The following CADM2 variants were observed in gnomAD, a reference collection of about 807,000 sequenced individuals.
The protein encoded by CADM2 is immunoglobulin superfamily member 4D.
In CADM2, 12 loss-of-function variants were observed where a neutral mutation model predicts 49.8. That is an observed-to-expected ratio of 0.24 (90% CI 0.15 to 0.39). The LOEUF (loss-of-function observed/expected upper bound fraction) is 0.39. Ranked by LOEUF, CADM2 falls within the 10% of genes least tolerant of loss-of-function variation. The probability of loss-of-function intolerance (pLI) is 1.00; values close to 1 mark genes in which losing one functional copy is unlikely to be tolerated. For missense variants in CADM2, 378 were observed against 492.3 expected, an observed-to-expected ratio of 0.77 and a Z score of 2.20; for synonymous variants, 214 against 175.4, an observed-to-expected ratio of 1.22 and a Z score of -1.74.
chr3:85,003,603 A>G (rs1188157297), intron 1 of CADM2, among the ~76,000 whole-genome samples: 1 of 152,124 alleles, frequency 6.6e-6, no homozygotes, highest in Non-Finnish European at 1.5e-5. Context: ...ATGACTACTT[A>G]AGACTACTTA....
chr3:85,647,070 G>A (rs527417080), intron 1 of CADM2, among the ~76,000 whole-genome samples: 38 of 151,808 alleles, frequency 2.5e-4, no homozygotes, highest in African/African-American at 8.2e-4. Flanking sequence ...TTAAGCTTTG[G>A]TCTCATCGTC....
At chr3:85,828,679 C>T (rs1282853575) in intron 3 of CADM2, among the ~76,000 whole-genome samples, 3 of 151,902 alleles carry the variant, frequency 2.0e-5, no homozygotes, top group African/African-American at 4.8e-5. Context: ...CTTCTATCAT[C>T]ATTGATGTTG....
chr3:86,046,041 G>T (rs763325247), intron 8 of CADM2, among the ~76,000 whole-genome samples: 1 of 152,084 alleles, frequency 6.6e-6, no homozygotes, highest in Non-Finnish European at 1.5e-5. Flanking sequence ...AAAGAATGTA[G>T]TTCAGTTCAA....
intron 1 of CADM2, among the ~76,000 whole-genome samples, chr3:85,516,781 T>A (rs2060913400): frequency 6.6e-6 from 1 of 152,106 alleles, no homozygotes. Flanking sequence ...AATTTATTTT[T>A]AAAATCATAC....
chr3:85,651,408 A>T (rs1343249419), intron 1 of CADM2, among the ~76,000 whole-genome samples: 1 of 152,186 alleles, frequency 6.6e-6, no homozygotes, highest in Admixed American at 6.5e-5. Flanking sequence ...TAAGGATTGT[A>T]TAACAGTTGT....
chr3:85,122,840 C>A (rs991370659), intron 1 of CADM2, among the ~76,000 whole-genome samples: 3 of 152,010 alleles, frequency 2.0e-5, no homozygotes, highest in African/African-American at 7.2e-5. Flanking sequence ...GGCTCTTCTT[C>A]CATTGTATGG....
intron 1 of CADM2, among the ~76,000 whole-genome samples, chr3:85,700,550 G>A (rs1282054093): frequency 1.3e-5 from 2 of 152,098 alleles, no homozygotes. Context: ...TGAGCATAAG[G>A]TATTAGAAGC....
chr3:85,575,348 C>T (rs192752958), intron 1 of CADM2, among the ~76,000 whole-genome samples: 1 of 152,068 alleles, frequency 6.6e-6, no homozygotes, highest in Non-Finnish European at 1.5e-5. Flanking sequence ...TCAGGAGATC[C>T]AGACCATCCT....
chr3:85,970,933 C>T (rs1178080141), intron 8 of CADM2, among the ~76,000 whole-genome samples: 1 of 151,076 alleles, frequency 6.6e-6, no homozygotes, highest in Non-Finnish European at 1.5e-5. Context: ...GGTTAAGCAA[C>T]TATTTTACAG....
intron 1 of CADM2, among the ~76,000 whole-genome samples, chr3:85,694,799 T>G (rs1397971983): frequency 3.3e-5 from 5 of 152,000 alleles, no homozygotes; most frequent in Non-Finnish European, 7.4e-5. Context: ...ATTACAAAAA[T>G]CCTAAGATGC....
chr3:85,121,142 T>A (rs2038849042), intron 1 of CADM2, among the ~76,000 whole-genome samples: 1 of 152,186 alleles, frequency 6.6e-6, no homozygotes. Flanking sequence ...TGATGAGTTC[T>A]GCCCTCAGGG....
At chr3:85,744,491 T>C (rs1386932827) in intron 2 of CADM2, among the ~76,000 whole-genome samples, 5 of 151,712 alleles carry the variant, frequency 3.3e-5, no homozygotes, top group Non-Finnish European at 7.4e-5. Flanking sequence ...CATATACATC[T>C]GCCATGTACC....
intron 1 of CADM2, among the ~76,000 whole-genome samples, chr3:84,974,865 CT>C (rs994454274): frequency 6.6e-6 from 1 of 151,712 alleles, no homozygotes. Context: ...TCATAGTTGG[CT>C]TTTTATTTAC....
chr3:85,886,876 C>T (rs1713731873), intron 5 of CADM2, among the ~76,000 whole-genome samples: 1 of 152,142 alleles, frequency 6.6e-6, no homozygotes, highest in Non-Finnish European at 1.5e-5. Context: ...CCCTCTCTCT[C>T]TGTCACACAC....
intron 1 of CADM2, among the ~76,000 whole-genome samples, chr3:85,468,585 C>G (rs994041103): frequency 2.1e-5 from 2 of 96,876 alleles, no homozygotes; most frequent in East Asian, 9.8e-4. Context: ...AATTACTGAT[C>G]TTTTTTTGAC....
intron 1 of CADM2, among the ~76,000 whole-genome samples, chr3:85,570,217 A>G (rs2062435189): frequency 6.6e-6 from 1 of 152,120 alleles, no homozygotes; most frequent in Non-Finnish European, 1.5e-5. Flanking sequence ...CTGTCTACCT[A>G]CTATCATCAA....
chr3:85,422,030 G>A (rs1389559052), intron 1 of CADM2, among the ~76,000 whole-genome samples: 1 of 152,170 alleles, frequency 6.6e-6, no homozygotes, highest in Non-Finnish European at 1.5e-5. Context: ...TGACATTGGA[G>A]TTCAATGCAG....
chr3:85,171,070 A>T (rs2040612478), intron 1 of CADM2, among the ~76,000 whole-genome samples: 1 of 151,998 alleles, frequency 6.6e-6, no homozygotes, highest in South Asian at 2.1e-4. Context: ...AAATGTTTTA[A>T]TTTTTTTTGT....
chr3:85,188,074 A>G (rs2041107193), intron 1 of CADM2, among the ~76,000 whole-genome samples: 1 of 152,094 alleles, frequency 6.6e-6, no homozygotes, highest in African/African-American at 2.4e-5. Context: ...GTGTAATGCT[A>G]GAAATATTAA....
Sources: allele counts gnomAD v4.1 joint callset (sites outside exome capture counted in the v4.1 genomes callset), GRCh38; gene constraint gnomAD v4.1.1; transcripts MANE v1.5; gene names NCBI Gene and HGNC (gene_info 2026-07-23, HGNC 2026-07-21).